The following CSMD1 variants were observed in gnomAD, a reference collection of about 807,000 sequenced individuals.
The protein encoded by CSMD1 is CUB and sushi domain-containing protein 1.
CSMD1 carries 213 observed loss-of-function variants against 417.5 expected under a neutral mutation model. The observed-to-expected ratio is 0.51, with a 90% CI of 0.46 to 0.57. The LOEUF (loss-of-function observed/expected upper bound fraction) is 0.57, where lower values mean the gene tolerates loss of function less well. Among genes scored for constraint, CSMD1 ranks in the 20% least tolerant of loss-of-function variants. The probability of loss-of-function intolerance (pLI) is 0.00; values close to 1 mark genes in which losing one functional copy is unlikely to be tolerated. For missense variants in CSMD1, 6,923 were observed against 4,529.7 expected (o/e 1.53, Z -15.17); for synonymous variants, 2,862 against 1,736.8 (o/e 1.65, Z -16.11).
intron 38 of CSMD1, among the ~76,000 whole-genome samples, chr8:3,158,450 G>T (rs1180830575): frequency 1.3e-5 from 2 of 152,150 alleles, no homozygotes; most frequent in East Asian, 1.9e-4. Context: ...CCAGGGTTCA[G>T]CAAAGCACTG....
chr8:4,741,218 G>T (rs78821208), intron 1 of CSMD1, among the ~76,000 whole-genome samples: 1 of 152,102 alleles, frequency 6.6e-6, no homozygotes, highest in Non-Finnish European at 1.5e-5. Flanking sequence ...AGTGCCACAC[G>T]TGCAGTTCAC....
chr8:3,266,098 A>T (rs1266741561), intron 26 of CSMD1, among the ~76,000 whole-genome samples: 1 of 151,618 alleles, frequency 6.6e-6, no homozygotes, highest in African/African-American at 2.4e-5. Context: ...TGGGGGAAAA[A>T]TTAATTTGCA....
intron 33 of CSMD1, among the ~76,000 whole-genome samples, chr8:3,195,795 A>G (rs543237700): frequency 1.3e-5 from 2 of 152,340 alleles, no homozygotes; most frequent in Admixed American, 6.5e-5. Context: ...GGCTGAACAT[A>G]TTCAACATTT....
At chr8:4,779,706 C>T (rs545077500) in intron 1 of CSMD1, among the ~76,000 whole-genome samples, 2 of 152,062 alleles carry the variant, frequency 1.3e-5, no homozygotes, top group African/African-American at 4.8e-5. Context: ...AATCCAGACA[C>T]GAATGTATAA....
At chr8:4,287,295 T>C (rs567026977) in intron 3 of CSMD1, among the ~76,000 whole-genome samples, 34 of 152,330 alleles carry the variant, frequency 2.2e-4, no homozygotes, top group Non-Finnish European at 3.7e-4. Context: ...TGTGTAACTC[T>C]TTATTTTCAG....
intron 7 of CSMD1, among the ~76,000 whole-genome samples, chr8:3,662,770 A>G (rs1046063760): frequency 3.3e-5 from 5 of 152,070 alleles, no homozygotes; most frequent in Non-Finnish European, 7.3e-5. Context: ...GTTCTCACTC[A>G]TAAGTGGGGT....
At chr8:4,744,678 G>T (rs561209325) in intron 1 of CSMD1, among the ~76,000 whole-genome samples, 66 of 152,170 alleles carry the variant, frequency 4.3e-4, no homozygotes, top group African/African-American at 1.5e-3. Flanking sequence ...TCTGGACCTT[G>T]TCAGATATTA....
chr8:4,566,946 G>C (rs1171284704), intron 2 of CSMD1, among the ~76,000 whole-genome samples: 2 of 113,728 alleles, frequency 1.8e-5, no homozygotes, highest in Non-Finnish European at 4.0e-5. Context: ...AATAACTCTA[G>C]CAATCGAGAC....
rs5889027 is a variant in CSMD1, at chr8:4,212,751, C to CTT, written c.416-180654_416-180653dup. Among the ~76,000 whole-genome samples the CTT allele has an allele frequency of 1.1e-3, 105 of 99,216 alleles. 3 individuals carry two copies. Among genetic ancestry groups the CTT allele is most frequent in the Admixed American group, 4.9e-3 (44 of 9,042 alleles). 65.1% of individuals were successfully genotyped at this position (99,216 alleles called of 152,430 possible). ...AAAAGTTTACAACAGCGGCCTTATT[C>CTT]TTTTTTTTTTTTTTTTTTTTTTTTT... On this transcript the variant is annotated intron_variant, in intron 3 of 69. Transcript: ENST00000635120.
chr8:3,118,600 A>G lies in CSMD1; in HGVS notation c.6242-13T>C, dbSNP rs1350409991. ...TGTAATTCATAGGCTGAAAGAAACAAACAGACAAAATAAAGCTTATATTTG... is the reference window on the plus strand; with the variant it reads ...TGTAATTCATAGGCTGAAAGAAACAGACAGACAAAATAAAGCTTATATTTG... On this transcript the variant is annotated splice_polypyrimidine_tract_variant and intron_variant, in intron 41 of 69. Transcript: ENST00000635120. The G allele has an allele frequency of 1.6e-5, 25 of 1,608,772 alleles. No individual in the cohort carries two copies. Among genetic ancestry groups the G allele is most frequent in the Non-Finnish European group, 1.7e-5 (20 of 1,177,612 alleles).
intron 4 of CSMD1, among the ~76,000 whole-genome samples, chr8:4,019,994 T>TTCAATTCAATTCAATTCAAATTTC (rs1349215840): frequency 6.6e-6 from 1 of 151,904 alleles, no homozygotes; most frequent in Non-Finnish European, 1.5e-5. Flanking sequence ...CTTTTCAAAC[T>TTCAATTCAATTCAATTCAAATTTC]GTTTGCCATT....
intron 2 of CSMD1, among the ~76,000 whole-genome samples, chr8:4,522,953 C>A (rs1803552008): frequency 2.0e-5 from 3 of 152,124 alleles, no homozygotes; most frequent in Admixed American, 1.3e-4. Flanking sequence ...AGGGAAGAAC[C>A]TGGAAATGGA....
At chr8:3,904,450 G>C (rs1301139629) in intron 5 of CSMD1, among the ~76,000 whole-genome samples, 3 of 152,138 alleles carry the variant, frequency 2.0e-5, no homozygotes, top group Non-Finnish European at 2.9e-5. Flanking sequence ...GAATGTCCCA[G>C]AGATTTCAGT....
chr8:4,196,085 C>T (rs903226130), intron 3 of CSMD1, among the ~76,000 whole-genome samples: 1 of 152,098 alleles, frequency 6.6e-6, no homozygotes, highest in Non-Finnish European at 1.5e-5. Context: ...GTGACGGGCG[C>T]CTGTAGTCCC....
intron 39 of CSMD1, among the ~76,000 whole-genome samples, chr8:3,152,816 T>C (rs1210668309): frequency 1.3e-5 from 2 of 152,344 alleles, no homozygotes; most frequent in East Asian, 3.9e-4. Flanking sequence ...ATGTGCACTT[T>C]GTCCATGCAG....
chr8:3,975,650 T>A (rs1813381889), intron 5 of CSMD1, among the ~76,000 whole-genome samples: 1 of 152,142 alleles, frequency 6.6e-6, no homozygotes, highest in African/African-American at 2.4e-5. Context: ...CCAGCAGTGC[T>A]TAATGGTCCC....
At chr8:3,761,374 A>G (rs1009515441) in intron 5 of CSMD1, among the ~76,000 whole-genome samples, 3 of 152,152 alleles carry the variant, frequency 2.0e-5, no homozygotes, top group Non-Finnish European at 4.4e-5. Context: ...TTTTGTGCAC[A>G]CGTATATACT....
intron 37 of CSMD1, among the ~76,000 whole-genome samples, chr8:3,171,387 C>G (rs1820574828): frequency 6.6e-6 from 1 of 152,178 alleles, no homozygotes; most frequent in Non-Finnish European, 1.5e-5. Context: ...ACACTCAAAA[C>G]TTTACTCACC....
At chr8:3,669,677 T>A (rs1053019452) in intron 7 of CSMD1, among the ~76,000 whole-genome samples, 2 of 152,190 alleles carry the variant, frequency 1.3e-5, no homozygotes, top group East Asian at 3.9e-4. Flanking sequence ...GCTCAGCACC[T>A]ATTCTGTGTG....
Sources: allele counts gnomAD v4.1 joint callset (sites outside exome capture counted in the v4.1 genomes callset), GRCh38; gene constraint gnomAD v4.1.1; transcripts MANE v1.5; gene names NCBI Gene and HGNC (gene_info 2026-07-23, HGNC 2026-07-21).